GABRG3: variants seen among roughly 807,000 people sequenced by gnomAD.
GABRG3 encodes gamma-aminobutyric acid receptor subunit gamma-3.
A neutral mutation model predicts 48.8 loss-of-function variants in GABRG3; 25 were observed. The observed-to-expected ratio is 0.51, with a 90% confidence interval of 0.37 to 0.72. The LOEUF (loss-of-function observed/expected upper bound fraction) is 0.72. Ranked by LOEUF, GABRG3 falls within the 30% of genes least tolerant of loss-of-function variation. GABRG3 has a pLI of 0.00. For missense variants in GABRG3, 394 were observed against 577.9 expected (o/e 0.68, Z 3.26); for synonymous variants, 227 against 217.6 (o/e 1.04, Z -0.38).
At position 27,112,631 on chromosome 15, in the gene GABRG3, G is replaced by A. The variant is rs549496703; in HGVS notation, c.270+85810G>A. On this transcript the variant is annotated intron_variant, in intron 3 of 9. Transcript: ENST00000615808. ...ATTTTTGTATTTTTAGTGGAGATGG[G>A]GTTTCACCATGTTGGCCAGGCTGGT... 3.3e-3 allele frequency among the ~76,000 whole-genome samples: 504 copies of A among 152,060 alleles called. 1 individual carries two copies. Among genetic ancestry groups the A allele is most frequent in the Non-Finnish European group, 5.7e-3 (388 of 67,992 alleles).
chr15:27,520,164 G>A (rs1164213551), intron 7 of GABRG3, 40 bp downstream of exon 7: 3 of 1,552,214 alleles, frequency 1.9e-6, no homozygotes, highest in East Asian at 2.3e-5. Context: ...TTGCGTAATT[G>A]TAATATAGAA....
At chr15:27,166,190 T>A (rs1450596263) in intron 3 of GABRG3, among the ~76,000 whole-genome samples, 1 of 152,180 alleles carries the variant, frequency 6.6e-6, no homozygotes, top group Non-Finnish European at 1.5e-5. Context: ...CCATATGAGA[T>A]AGTGAACTTT....
intron 3 of GABRG3, among the ~76,000 whole-genome samples, chr15:27,094,036 A>C (rs1343371317): frequency 1.3e-5 from 2 of 152,192 alleles, no homozygotes; most frequent in Admixed American, 1.3e-4. Context: ...ATGCATGCAG[A>C]TCACATTGCA....
At chr15:27,392,626 A>G (rs1362286397) in intron 5 of GABRG3, among the ~76,000 whole-genome samples, 5 of 152,208 alleles carry the variant, frequency 3.3e-5, no homozygotes, top group Non-Finnish European at 5.9e-5. Flanking sequence ...GAAGGAAGTC[A>G]TTATGCCCAA....
chr15:27,374,880 TC>T (rs991635447), intron 5 of GABRG3, among the ~76,000 whole-genome samples: 1 of 152,116 alleles, frequency 6.6e-6, no homozygotes, highest in African/African-American at 2.4e-5. Flanking sequence ...TTGATGAACA[TC>T]AACTGACAAA....
intron 3 of GABRG3, among the ~76,000 whole-genome samples, chr15:27,088,398 G>A (rs1595516737): frequency 6.6e-6 from 1 of 152,098 alleles, no homozygotes; most frequent in East Asian, 1.9e-4. Context: ...GCGCTCGTGG[G>A]AGGCAGGGCT....
In GABRG3 at chr15:27,533,671, T is replaced by C. The variant is rs551283228; in HGVS notation, c.*790T>C. The C allele has an allele frequency of 6.6e-6, 1 of 152,308 alleles. No homozygotes were observed. Among genetic ancestry groups the C allele is most frequent in the Admixed American group, 6.5e-5 (1 of 15,294 alleles). 9.4% of individuals were successfully genotyped at this position (152,308 alleles called of 1,614,324 possible). ...CAACAGCATTTCACCTTAAGAGCTG[T>C]TTTTCACTAGACCAACGCTCAACCC... On this transcript the variant is annotated 3_prime_UTR_variant, in exon 10 of 10. Coordinates refer to ENST00000615808, the MANE Select transcript of GABRG3 (RefSeq NM_033223.5).
chr15:27,377,746 A>G lies in GABRG3; in HGVS notation c.574+48858A>G, dbSNP rs563021026. The stretch of plus-strand genomic sequence containing the variant: ...ATACCAGGCCATGAATGCCAAAGGG[A>G]GCAGCACCATCTACATGGATGTATC... On this transcript the variant is annotated intron_variant, in intron 5 of 9. Coordinates refer to ENST00000615808, the MANE Select transcript of GABRG3 (RefSeq NM_033223.5). 3.9e-5 allele frequency among the ~76,000 whole-genome samples: 6 copies of G among 152,324 alleles called. No homozygotes were observed. In the South Asian group the frequency reaches 1.0e-3, roughly 26 times the overall value.
At chr15:27,455,495 G>C (rs1378756296) in intron 5 of GABRG3, among the ~76,000 whole-genome samples, 1 of 148,782 alleles carries the variant, frequency 6.7e-6, no homozygotes, top group South Asian at 2.1e-4. Context: ...TATGTGTGCT[G>C]TGTGTGTGTG....
intron 3 of GABRG3, among the ~76,000 whole-genome samples, chr15:27,201,380 A>AAG (rs752468538): frequency 6.9e-6 from 1 of 145,576 alleles, no homozygotes; most frequent in African/African-American, 2.7e-5. Flanking sequence ...GTGAGAGAGA[A>AAG]AGAGAGAGAG....
chr15:27,308,193 AACAT>A (rs1892771957), intron 3 of GABRG3, among the ~76,000 whole-genome samples: 1 of 68,942 alleles, frequency 1.5e-5, no homozygotes, highest in Admixed American at 1.3e-4. Flanking sequence ...AACATATATA[AACAT>A]GTTTATATAT....
chr15:27,136,664 A>T (rs1332131123), intron 3 of GABRG3, among the ~76,000 whole-genome samples: 1 of 152,150 alleles, frequency 6.6e-6, no homozygotes, highest in African/African-American at 2.4e-5. Context: ...CTTTTTTTTA[A>T]GAATAAAAAA....
At chr15:27,136,490 CTG>C (rs1050667310) in intron 3 of GABRG3, among the ~76,000 whole-genome samples, 3 of 152,086 alleles carry the variant, frequency 2.0e-5, no homozygotes, top group Non-Finnish European at 2.9e-5. Flanking sequence ...CATGTATCTT[CTG>C]TGTCTTACCA....
At chr15:27,496,138 T>G (rs1595792339) in intron 6 of GABRG3, among the ~76,000 whole-genome samples, 2 of 151,854 alleles carry the variant, frequency 1.3e-5, no homozygotes, top group Non-Finnish European at 2.9e-5. Context: ...CTTGGAGGGG[T>G]TTGGATTTGA....
In GABRG3 at chr15:27,328,271, C is replaced by T. The variant is rs182316032; in HGVS notation, c.492-535C>T. On this transcript the variant is annotated intron_variant, in intron 4 of 9. Transcript: ENST00000615808. ...GACACGGAACTTCAGCAAGCCAGGG[C>T]GAAGACCTGGCCAGTTCTGGAACCC... 7.0e-4 allele frequency among the ~76,000 whole-genome samples: 98 copies of T among 139,928 alleles called. 1 individual carries two copies. The East Asian group carries it at 0.019, about 27-fold the overall frequency. The allele number at this position is 139,928 out of a possible 152,430, so 91.8% of individuals were successfully genotyped here.
At chr15:27,073,224 C>T (rs2140736417) in intron 3 of GABRG3, among the ~76,000 whole-genome samples, 1 of 152,334 alleles carries the variant, frequency 6.6e-6, no homozygotes, top group Non-Finnish European at 1.5e-5. Flanking sequence ...AGGAATGGAG[C>T]CTCATGAGAT....
chr15:27,431,123 A>G (rs34830763), intron 5 of GABRG3, among the ~76,000 whole-genome samples: 1 of 151,742 alleles, frequency 6.6e-6, no homozygotes, highest in African/African-American at 2.4e-5. Flanking sequence ...AGCACACTAT[A>G]TTTATTAGTG....
chr15:27,325,576 C>T (rs922619652), intron 3 of GABRG3, among the ~76,000 whole-genome samples: 1 of 152,092 alleles, frequency 6.6e-6, no homozygotes, highest in African/African-American at 2.4e-5. Flanking sequence ...AATAATACAC[C>T]AGCCTTATTT....
chr15:27,346,772 A>G (rs778883770), intron 5 of GABRG3, among the ~76,000 whole-genome samples: 5 of 151,158 alleles, frequency 3.3e-5, no homozygotes, highest in Non-Finnish European at 7.4e-5. Context: ...AGAGTTTTTC[A>G]TTTATATCAT....
Sources: allele counts gnomAD v4.1 joint callset (sites outside exome capture counted in the v4.1 genomes callset), GRCh38; gene constraint gnomAD v4.1.1; transcripts MANE v1.5; gene names NCBI Gene and HGNC (gene_info 2026-07-23, HGNC 2026-07-21).